UNC79: variants seen among roughly 807,000 people sequenced by gnomAD.
UNC79 encodes the protein protein unc-79 homolog.
In UNC79, 37 loss-of-function variants were observed where a neutral mutation model predicts 283.1. The observed-to-expected ratio is 0.13, with a 90% CI of 0.10 to 0.17. The LOEUF (loss-of-function observed/expected upper bound fraction) is 0.17. UNC79 is among the 10% of genes least tolerant of loss of function. The pLI, the probability that UNC79 is intolerant of heterozygous loss-of-function variation, is 1.00. For missense variants in UNC79, 2,272 were observed against 3,211.1 expected (o/e 0.71, Z 7.07); for synonymous variants, 1,107 against 1,200.2 (o/e 0.92, Z 1.61).
chr14:93,637,191 A>G (rs2068580999), intron 31 of UNC79, 25 bp from the exon 35 acceptor site: 16 of 1,018,120 alleles, frequency 1.6e-5, no homozygotes, highest in Non-Finnish European at 2.5e-5. Context: ...CACATCAAAG[A>G]CTGAAACCCT....
chr14:93,476,002 C>T (rs1468206225), intron 3 of UNC79, among the ~76,000 whole-genome samples: 1 of 152,100 alleles, frequency 6.6e-6, no homozygotes, highest in African/African-American at 2.4e-5. Context: ...AGAAACAATA[C>T]GGCATTGTTT....
At chr14:93,389,861 C>T (rs912565175) in intron 1 of UNC79, among the ~76,000 whole-genome samples, 1 of 152,118 alleles carries the variant, frequency 6.6e-6, no homozygotes, top group Admixed American at 6.6e-5. Context: ...CCATGTTGGC[C>T]AGGCTGGTCT....
At chr14:93,476,996 TAGAA>T (rs1012456610) in intron 3 of UNC79, among the ~76,000 whole-genome samples, 4 of 152,168 alleles carry the variant, frequency 2.6e-5, no homozygotes, top group African/African-American at 7.2e-5. Flanking sequence ...AAGATGTTGT[TAGAA>T]AGATTATTAT....
rs778594201 is a variant in UNC79 at position 93,577,792 on chromosome 14, A to C, written c.2212-50A>C. 5 of 1,582,316 alleles carry C rather than the reference A, an allele frequency of 3.2e-6. No homozygotes were observed. In the African/African-American group the frequency reaches 4.1e-5, roughly 13 times the overall value. On this transcript the variant is annotated intron_variant, in intron 17 of 48. Transcript: ENST00000555664. Reference sequence around the variant, plus strand: ...GAGTCCCCGAATATTTTACACAGCAATTTGAGCTTCTGTGAGTTCATTTCT... The same window carrying C: ...GAGTCCCCGAATATTTTACACAGCACTTTGAGCTTCTGTGAGTTCATTTCT...
At chr14:93,643,658 C>T (rs200271627) in exon 34 of UNC79, 15 of 1,613,162 alleles carry the variant, frequency 9.3e-6, no homozygotes, top group Non-Finnish European at 1.7e-6. Flanking sequence ...CCAGACCTGG[C>T]AGCCCCGCTG....
In UNC79 at chr14:93,572,685, C is replaced by T. The variant is rs905855865; in HGVS notation, c.1947-8C>T. ...TTGGTCATTTACTTTTGTTGCTCTGCTTTCCAGCAAAATGTTTGACATTGA... is the reference window on the plus strand; with the variant it reads ...TTGGTCATTTACTTTTGTTGCTCTGTTTTCCAGCAAAATGTTTGACATTGA... On this transcript the variant is annotated splice_polypyrimidine_tract_variant and splice_region_variant and intron_variant, in intron 15 of 48. Transcript: ENST00000555664. 5.6e-6 allele frequency: 9 copies of T among 1,613,736 alleles called. No individual in the cohort carries two copies. Among genetic ancestry groups the T allele is most frequent in the Non-Finnish European group, 7.6e-6 (9 of 1,179,880 alleles).
At chr14:93,476,543 T>C (rs994501428) in intron 3 of UNC79, among the ~76,000 whole-genome samples, 6 of 152,224 alleles carry the variant, frequency 3.9e-5, no homozygotes, top group African/African-American at 1.4e-4. Flanking sequence ...TGTTAGCTGA[T>C]GTGCCTGTTA....
At chr14:93,407,354 G>T (rs1168247158) in intron 1 of UNC79, among the ~76,000 whole-genome samples, 1 of 152,174 alleles carries the variant, frequency 6.6e-6, no homozygotes, top group Non-Finnish European at 1.5e-5. Flanking sequence ...ATACCTGATA[G>T]AAACACTTAA....
At chr14:93,678,325 C>T (rs910002030) in intron 41 of UNC79, among the ~76,000 whole-genome samples, 15 of 152,226 alleles carry the variant, frequency 9.9e-5, no homozygotes, top group Admixed American at 4.6e-4. Context: ...TGATCCATCA[C>T]GAATGACACT....
chr14:93,541,765 G>A (rs1249397737), intron 13 of UNC79, among the ~76,000 whole-genome samples: 2 of 152,140 alleles, frequency 1.3e-5, no homozygotes, highest in East Asian at 1.9e-4. Context: ...CAGCACTTTG[G>A]GAGGCCAAGA....
Position 93,688,950 on chromosome 14 carries a change from A to G in UNC79, c.7085+110A>G, listed in dbSNP as rs1653831254. ...GTACACCGAAGATTTATGACAGTGGAATATACTTGGTTAGGAAGATGGAAA... is the reference window on the plus strand; with the variant it reads ...GTACACCGAAGATTTATGACAGTGGGATATACTTGGTTAGGAAGATGGAAA... On this transcript the variant is annotated intron_variant, in intron 44 of 48. Transcript: ENST00000555664. The surrounding 1 kb of genome is among the most constrained non-coding windows in gnomAD (Gnocchi z 4.0). 1 of 1,206,774 alleles carries G rather than the reference A, an allele frequency of 8.3e-7. No individual in the cohort carries two copies. The highest frequency in any genetic ancestry group is 2.5e-5 in the East Asian group (1 of 39,500). The allele number at this position is 1,206,774 out of a possible 1,614,324, so 74.8% of individuals were successfully genotyped here.
chr14:93,528,473 C>G, intron 8 of UNC79, 85 bp from the exon 9 acceptor site: 1 of 1,253,052 alleles, frequency 8.0e-7, no homozygotes. Context: ...GAAAATCTGT[C>G]ATTATTGAAG....
chr14:93,697,725 G>A (rs1359429172), intron 47 of UNC79, among the ~76,000 whole-genome samples: 4 of 152,236 alleles, frequency 2.6e-5, no homozygotes, highest in African/African-American at 9.6e-5. Context: ...GGACAGCCTG[G>A]CAGCATATTG....
intron 34 of UNC79, among the ~76,000 whole-genome samples, chr14:93,645,526 A>G (rs2069503999): frequency 6.6e-6 from 1 of 152,186 alleles, no homozygotes; most frequent in Non-Finnish European, 1.5e-5. Context: ...CGAAGAACAG[A>G]TGAGATCATG....
intron 1 of UNC79, among the ~76,000 whole-genome samples, chr14:93,453,013 C>T (rs1453905366): frequency 6.6e-6 from 1 of 152,186 alleles, no homozygotes; most frequent in African/African-American, 2.4e-5. Flanking sequence ...AATCAAAGTA[C>T]ATCTGAATTT....
chr14:93,643,468 C>A lies in UNC79; in HGVS notation c.5904-89C>A, dbSNP rs1438286164. The A allele has an allele frequency of 1.9e-6, 3 of 1,596,724 alleles. No individual in the cohort carries two copies. The East Asian group carries it at 6.7e-5, about 36-fold the overall frequency. ...CTCCTTTTGGAGACTTTTCCAAGAC[C>A]TACTAAAAACAGCCGTGTGTGTAGT... On this transcript the variant is annotated intron_variant, in intron 33 of 48. Transcript: ENST00000555664.
intron 1 of UNC79, among the ~76,000 whole-genome samples, chr14:93,336,547 T>C (rs1400478487): frequency 6.6e-6 from 1 of 152,178 alleles, no homozygotes; most frequent in Non-Finnish European, 1.5e-5. Context: ...TTCACCATGT[T>C]GGCCAGGCTG....
At chr14:93,622,521 A>G (rs2067215512) in exon 30 of UNC79, 1 of 1,613,932 alleles carries the variant, frequency 6.2e-7, no homozygotes, top group South Asian at 1.1e-5. Context: ...TCGCTGGATG[A>G]TCACCCTGAC....
chr14:93,696,900 CT>C (rs1017936471), intron 47 of UNC79, among the ~76,000 whole-genome samples: 1 of 152,018 alleles, frequency 6.6e-6, no homozygotes, highest in Non-Finnish European at 1.5e-5. Context: ...TATGTTTTCA[CT>C]TGGGTGTTAG....
Sources: gnomAD v4.1 joint callset for allele counts (sites outside exome capture counted in the v4.1 genomes callset) on GRCh38, gnomAD v4.1.1 for gene constraint, Gnocchi (gnomAD v3.1) non-coding constraint, MANE v1.5 for transcripts, NCBI Gene and HGNC (gene_info 2026-07-23, HGNC 2026-07-21) for gene names.